KCNH8: variants seen among roughly 807,000 people sequenced by gnomAD.
The protein encoded by KCNH8 is potassium voltage-gated channel subfamily H member 8.
A neutral mutation model predicts 103.6 loss-of-function variants in KCNH8; 70 were observed. The ratio of observed to expected loss-of-function variants is 0.68; its 90% CI spans 0.56 to 0.82. The LOEUF is 0.82. KCNH8 is among the 40% of genes least tolerant of loss of function. KCNH8 has a pLI of 0.00. For missense variants in KCNH8, 1,217 were observed against 1,329.9 expected (o/e 0.92, Z 1.32); for synonymous variants, 498 against 489.4 (o/e 1.02, Z -0.23).
chr3:19,174,185 A>C (rs534553824), intron 1 of KCNH8, among the ~76,000 whole-genome samples: 4 of 152,020 alleles, frequency 2.6e-5, no homozygotes, highest in Admixed American at 6.6e-5. Context: ...ACTAGGCCCC[A>C]TATCTACAGA....
chr3:19,494,916 T>C (rs1481581338), intron 11 of KCNH8, among the ~76,000 whole-genome samples: 5 of 152,170 alleles, frequency 3.3e-5, no homozygotes, highest in South Asian at 2.1e-4. Context: ...TACTATTTCA[T>C]TGTGGATTTG....
intron 5 of KCNH8, among the ~76,000 whole-genome samples, chr3:19,372,507 T>A (rs1186615424): frequency 6.6e-6 from 1 of 152,074 alleles, no homozygotes; most frequent in Non-Finnish European, 1.5e-5. Context: ...TTAAGGAGAT[T>A]TTGGGCTGAG....
intron 7 of KCNH8, among the ~76,000 whole-genome samples, chr3:19,409,664 A>G (rs1014364270): frequency 6.6e-6 from 1 of 152,118 alleles, no homozygotes; most frequent in Non-Finnish European, 1.5e-5. Context: ...AGGGTTGGAG[A>G]AAGATATACC....
At chr3:19,474,214 T>C (rs2067922727) in intron 11 of KCNH8, among the ~76,000 whole-genome samples, 2 of 152,140 alleles carry the variant, frequency 1.3e-5, no homozygotes, top group Admixed American at 1.3e-4. Context: ...TAAAACAAAT[T>C]GCAAAATCCC....
chr3:19,157,570 A>C (rs186989967), intron 1 of KCNH8, among the ~76,000 whole-genome samples: 2 of 152,174 alleles, frequency 1.3e-5, no homozygotes, highest in African/African-American at 4.8e-5. Flanking sequence ...CAAAAGTTAT[A>C]AAATTATTTG....
intron 5 of KCNH8, among the ~76,000 whole-genome samples, chr3:19,375,928 G>GGTCAGGC (rs1406282744): frequency 2.0e-5 from 3 of 152,200 alleles, no homozygotes; most frequent in South Asian, 2.1e-4. Flanking sequence ...GGGGGTCAGG[G>GGTCAGGC]ACCCACTTGA....
intron 7 of KCNH8, among the ~76,000 whole-genome samples, chr3:19,404,125 T>G (rs1472489308): frequency 2.0e-5 from 3 of 152,070 alleles, no homozygotes; most frequent in African/African-American, 7.2e-5. Context: ...AAGAGAAAAC[T>G]AATCATTTCA....
At chr3:19,505,192 A>T (rs1559362575) in intron 11 of KCNH8, among the ~76,000 whole-genome samples, 1 of 152,020 alleles carries the variant, frequency 6.6e-6, no homozygotes, top group African/African-American at 2.4e-5. Context: ...TCCTAAGCAA[A>T]CTAATGTAGG....
intron 10 of KCNH8, among the ~76,000 whole-genome samples, chr3:19,451,918 CTT>C (rs2067454245): frequency 6.6e-6 from 1 of 152,156 alleles, no homozygotes; most frequent in Non-Finnish European, 1.5e-5. Context: ...GCTCTTTTTA[CTT>C]CCTTAAAGAA....
intron 5 of KCNH8, among the ~76,000 whole-genome samples, chr3:19,368,313 G>T (rs370089586): frequency 1.1e-3 from 160 of 152,154 alleles, no homozygotes; most frequent in African/African-American, 3.8e-3. Context: ...TTCAAGTTGT[G>T]TAGTATAATT....
intron 15 of KCNH8, among the ~76,000 whole-genome samples, chr3:19,528,331 G>A (rs2069101140): frequency 6.6e-6 from 1 of 151,984 alleles, no homozygotes; most frequent in Non-Finnish European, 1.5e-5. Context: ...GTAGTTATGA[G>A]ATCTAGGAAT....
chr3:19,368,308 G>C (rs1369701914), intron 5 of KCNH8, among the ~76,000 whole-genome samples: 1 of 152,048 alleles, frequency 6.6e-6, no homozygotes, highest in Non-Finnish European at 1.5e-5. Context: ...CTTTGTTCAA[G>C]TTGTGTAGTA....
intron 1 of KCNH8, among the ~76,000 whole-genome samples, chr3:19,198,141 A>G (rs1481810298): frequency 1.3e-5 from 2 of 152,114 alleles, no homozygotes; most frequent in African/African-American, 4.8e-5. Flanking sequence ...GATAAAACCT[A>G]TTGATTCATA....
chr3:19,304,157 A>G (rs1160381451), intron 3 of KCNH8, among the ~76,000 whole-genome samples: 3 of 152,206 alleles, frequency 2.0e-5, no homozygotes, highest in Non-Finnish European at 4.4e-5. Context: ...AGGCTTTGGA[A>G]GAAGATTTTC....
At chr3:19,195,722 A>T (rs2063594386) in intron 1 of KCNH8, among the ~76,000 whole-genome samples, 1 of 151,974 alleles carries the variant, frequency 6.6e-6, no homozygotes, top group Non-Finnish European at 1.5e-5. Context: ...AGCCAATCAG[A>T]TGTTTCAACC....
rs190353919 is a variant in KCNH8, at chr3:19,189,112, A to G, written c.76+40317A>G. Among the ~76,000 whole-genome samples the G allele has an allele frequency of 1.4e-3, 214 of 152,224 alleles. 5 individuals are homozygous for G. Among genetic ancestry groups the G allele is most frequent in the Non-Finnish European group, 8.5e-4 (58 of 67,994 alleles). Reference sequence around the variant, plus strand: ...TACAATTGCAGGAATTTTAGATGTCAGCTAAATCAAAGGTGTCTGGTTGAA... The same window carrying G: ...TACAATTGCAGGAATTTTAGATGTCGGCTAAATCAAAGGTGTCTGGTTGAA... On this transcript the variant is annotated intron_variant, in intron 1 of 15. Coordinates refer to ENST00000328405, the MANE Select transcript of KCNH8 (RefSeq NM_144633.3).
intron 1 of KCNH8, among the ~76,000 whole-genome samples, chr3:19,156,966 C>CTTTT (rs765953228): frequency 1.5e-5 from 2 of 130,608 alleles, no homozygotes; most frequent in African/African-American, 6.9e-5. Context: ...GTCTATAAAG[C>CTTTT]TTTTTTTTTT....
At chr3:19,373,990 C>T (rs1416588281) in intron 5 of KCNH8, among the ~76,000 whole-genome samples, 1 of 152,176 alleles carries the variant, frequency 6.6e-6, no homozygotes, top group East Asian at 1.9e-4. Flanking sequence ...GTTACAGTCT[C>T]TGTTCTTTTA....
intron 5 of KCNH8, among the ~76,000 whole-genome samples, chr3:19,353,052 AT>A (rs1372821180): frequency 6.6e-6 from 1 of 152,172 alleles, no homozygotes; most frequent in Non-Finnish European, 1.5e-5. Context: ...TAAAGGGGAT[AT>A]CATCTCCAAT....
Sources: gnomAD v4.1 joint callset for allele counts (sites outside exome capture counted in the v4.1 genomes callset) on GRCh38, gnomAD v4.1.1 for gene constraint, MANE v1.5 for transcripts, NCBI Gene and HGNC (gene_info 2026-07-23, HGNC 2026-07-21) for gene names.